The following FHIP1B variants were observed in gnomAD, a reference collection of about 807,000 sequenced individuals.
FHIP1B encodes the protein FHF complex subunit HOOK-interacting protein 1B.
A neutral mutation model predicts 82.2 loss-of-function variants in FHIP1B; 28 were observed. The ratio of observed to expected loss-of-function variants is 0.34; its 90% CI spans 0.25 to 0.47. The LOEUF is 0.47. Ranked by LOEUF, FHIP1B falls within the 20% of genes least tolerant of loss-of-function variation. The pLI is 1.00. For synonymous variants in FHIP1B, 585 were observed against 516.1 expected, an observed-to-expected ratio of 1.13 and a Z score of -1.81; for missense variants, 1,110 against 1,262.6, an observed-to-expected ratio of 0.88 and a Z score of 1.83.
rs1387730850 is a variant in FHIP1B at position 6,217,788 on chromosome 11, C to T, written c.1798G>A (p.Glu600Lys). 8.7e-6 allele frequency: 14 copies of T among 1,611,042 alleles called. No individual in the cohort carries two copies. Among genetic ancestry groups the T allele is most frequent in the East Asian group, 2.2e-5 (1 of 44,834 alleles). The change falls in exon 9 of 12, where the codon GAG becomes AAG. Residue 600 changes from glutamate to lysine, a missense_variant. Physicochemically the swap from Glu to Lys is moderately conservative, Grantham distance 56 (BLOSUM62 1). Transcript: ENST00000449352. ...TCCCCCACGTTGTTCCTGTCCTCCT[C>T]AGGCAGTAGGCTGCGTTTCTTAGTC... ...SRTKKRSLLP[E>K]EDRNNVGEGE...
Position 6,211,883 on chromosome 11 carries a change from G to C in FHIP1B, c.2558-16C>G. 1.3e-6 allele frequency: 2 copies of C among 1,535,274 alleles called. No homozygotes were observed. Among genetic ancestry groups the C allele is most frequent in the Non-Finnish European group, 1.7e-6 (2 of 1,146,672 alleles). Reference sequence around the variant, plus strand: ...CGGCTCTTCACTGGGAATAAACAGGGGTATCATGAAGGTGCTGGGATCAGG... The same window carrying C: ...CGGCTCTTCACTGGGAATAAACAGGCGTATCATGAAGGTGCTGGGATCAGG... On this transcript the variant is annotated splice_polypyrimidine_tract_variant and intron_variant, in intron 11 of 11. Transcript: ENST00000449352.
At chr11:6,219,473 T>C (rs571220039) in intron 6 of FHIP1B, among the ~76,000 whole-genome samples, 2 of 152,312 alleles carry the variant, frequency 1.3e-5, no homozygotes, top group South Asian at 2.1e-4. Flanking sequence ...AGTAACTGAA[T>C]GCCTACCAAT....
chr11:6,232,175 C>T (rs1847715876), intron 1 of FHIP1B, among the ~76,000 whole-genome samples: 1 of 152,190 alleles, frequency 6.6e-6, no homozygotes, highest in Non-Finnish European at 1.5e-5. Context: ...ATACTTAATG[C>T]ACTACTATTT....
intron 1 of FHIP1B, among the ~76,000 whole-genome samples, chr11:6,230,228 G>A (rs1260886462): frequency 6.6e-6 from 1 of 152,180 alleles, no homozygotes; most frequent in Non-Finnish European, 1.5e-5. Flanking sequence ...GCAAAGAGGA[G>A]GGAGCTGGGG....
At chr11:6,221,020 CAT>C (rs376568052) in intron 6 of FHIP1B, among the ~76,000 whole-genome samples, 50 of 152,324 alleles carry the variant, frequency 3.3e-4, no homozygotes, top group Non-Finnish European at 5.9e-4. Context: ...TAAAAATACA[CAT>C]GTCCTGAGCC....
intron 1 of FHIP1B, among the ~76,000 whole-genome samples, chr11:6,232,630 GTAT>G (rs1847726397): frequency 6.6e-6 from 1 of 152,068 alleles, no homozygotes; most frequent in African/African-American, 2.4e-5. Flanking sequence ...TGTCTACAAG[GTAT>G]CTATATAAAT....
chr11:6,220,622 C>T lies in FHIP1B; in HGVS notation c.1192-1572G>A, dbSNP rs193023160. On this transcript the variant is annotated intron_variant, in intron 6 of 11. Coordinates refer to ENST00000449352, the MANE Select transcript of FHIP1B (RefSeq NM_001098794.2). Reference sequence around the variant, plus strand: ...AAGGAAAGCATCTACATGTTTAACACGGGCATCCTGAAATTAGAAGAGATC... The same window carrying T: ...AAGGAAAGCATCTACATGTTTAACATGGGCATCCTGAAATTAGAAGAGATC... 1.7e-4 allele frequency among the ~76,000 whole-genome samples: 26 copies of T among 152,248 alleles called. No individual in the cohort carries two copies. In the South Asian group the frequency reaches 1.9e-3, roughly 11 times the overall value.
chr11:6,232,086 A>C (rs1005315463), intron 1 of FHIP1B, among the ~76,000 whole-genome samples: 3 of 152,216 alleles, frequency 2.0e-5, no homozygotes, highest in Non-Finnish European at 4.4e-5. Flanking sequence ...ACATGTTTCT[A>C]TCTCTACATC....
chr11:6,218,110 T>A lies in FHIP1B; in HGVS notation c.1476A>T (p.Thr492=). The part of the protein sequence containing the change: ...SPSVDSSSVT[T]VPRPSTPSRL... ...GAGATGGTGTGGAGGGCCGGGGTAC[T>A]GTCGTCACAGAAGAGGAGTCCACAC... Residue 492 remains threonine, a synonymous_variant, in exon 9 of 12, where the codon ACA becomes ACT. Transcript: ENST00000449352. The A allele has an allele frequency of 6.2e-7, 1 of 1,613,098 alleles. No homozygotes were observed. The highest frequency in any genetic ancestry group is 8.5e-7 in the Non-Finnish European group (1 of 1,179,416).
Position 6,218,138 on chromosome 11 carries a change from G to A in FHIP1B, c.1448C>T (p.Pro483Leu). Residue 483 changes from proline to leucine, a missense_variant, in exon 9 of 12, where the codon CCA becomes CTA. Around this residue, in one of 6 missense-constraint regions of FHIP1B, gnomAD observed 418 missense variants for 371.4 expected, o/e 1.13. Transcript: ENST00000449352. Reference sequence around the variant, plus strand: ...CGTCACAGAAGAGGAGTCCACACTTGGGCTTCCAGGACCTGCAAAGGGAAA... The same window carrying A: ...CGTCACAGAAGAGGAGTCCACACTTAGGCTTCCAGGACCTGCAAAGGGAAA... ...HASWARGPGS[P>L]SVDSSSVTTV... is the part of the protein sequence containing the mutation. 4 of 1,611,406 alleles carry A rather than the reference G, an allele frequency of 2.5e-6. No individual in the cohort carries two copies. The highest frequency in any genetic ancestry group is 3.4e-6 in the Non-Finnish European group (4 of 1,178,636).
In FHIP1B at chr11:6,211,942, C is replaced by A; in HGVS notation, c.2558-75G>T. ...CTTGGACTGAGAGGGGAGATTCCCC[C>A]ACCCCCTAGGTTCTTGGACTTCTCC... On this transcript the variant is annotated intron_variant, in intron 11 of 11. Transcript: ENST00000449352. 5 of 1,480,688 alleles carry A rather than the reference C, an allele frequency of 3.4e-6. No individual in the cohort carries two copies. In the South Asian group the frequency reaches 5.7e-5, roughly 17 times the overall value. The allele number at this position is 1,480,688 out of a possible 1,614,324, so 91.7% of individuals were successfully genotyped here.
At chr11:6,231,099 A>G (rs545553122) in intron 1 of FHIP1B, among the ~76,000 whole-genome samples, 2 of 152,234 alleles carry the variant, frequency 1.3e-5, no homozygotes, top group Admixed American at 6.5e-5. Flanking sequence ...AAGACAAAAA[A>G]TTGTTTTAAA....
At chr11:6,224,326 T>C in intron 2 of FHIP1B, 53 bp downstream of exon 2, 1 of 1,614,180 alleles carries the variant, frequency 6.2e-7, no homozygotes, top group Non-Finnish European at 8.5e-7. Flanking sequence ...TATAGAAGGC[T>C]GGGAGAACTC....
At chr11:6,212,183 T>G (rs947485923) in intron 11 of FHIP1B, among the ~76,000 whole-genome samples, 10 of 152,052 alleles carry the variant, frequency 6.6e-5, no homozygotes, top group African/African-American at 2.4e-4. Context: ...AATCAACACT[T>G]TAGCCACTTC....
chr11:6,233,010 T>A (rs1197083205), intron 1 of FHIP1B, among the ~76,000 whole-genome samples: 1 of 152,190 alleles, frequency 6.6e-6, no homozygotes, highest in African/African-American at 2.4e-5. Context: ...AGATGATAAT[T>A]TTATCATGTA....
intron 6 of FHIP1B, among the ~76,000 whole-genome samples, chr11:6,220,280 G>A (rs965854727): frequency 5.3e-5 from 8 of 152,076 alleles, no homozygotes; most frequent in African/African-American, 1.7e-4. Context: ...AGATCTCAAT[G>A]CCACAACTGC....
intron 9 of FHIP1B, 200 bp from the exon 10 acceptor site, chr11:6,215,111 A>G (rs1352709830): frequency 8.6e-6 from 4 of 463,636 alleles, no homozygotes; most frequent in Middle Eastern, 5.3e-4. Flanking sequence ...AAGATTCCAG[A>G]TGCCAGCTTT....
chr11:6,224,413 G>A lies in FHIP1B; in HGVS notation c.104C>T (p.Thr35Ile), dbSNP rs372919231. The A allele has an allele frequency of 6.2e-7, 1 of 1,614,082 alleles. No homozygotes were observed. The highest frequency in any genetic ancestry group is 1.3e-5 in the African/African-American group (1 of 74,916). The change falls in exon 2 of 12, where the codon ACC (threonine) becomes ATC (isoleucine). Residue 35 changes from threonine to isoleucine, a missense_variant. Physicochemically the swap from Thr to Ile is moderately conservative, Grantham distance 89 (BLOSUM62 -1). Coordinates refer to ENST00000449352, the MANE Select transcript of FHIP1B (RefSeq NM_001098794.2). ...LQTPVMADPE[T>I]CLMVFKNHWS... ...GTGATTCTTGAAGACCATGAGGCAG[G>A]TCTCGGGATCAGCCATGACTGGGGT...
chr11:6,214,648 T>A (rs935626326), intron 10 of FHIP1B, 75 bp from the exon 11 acceptor site: 13 of 1,551,642 alleles, frequency 8.4e-6, no homozygotes, highest in Non-Finnish European at 9.6e-6. Flanking sequence ...ACTGGGCCTG[T>A]TCCCAGCCCA....
Sources: allele counts gnomAD v4.1 joint callset (sites outside exome capture counted in the v4.1 genomes callset), GRCh38; gene constraint gnomAD v4.1.1; regional missense constraint gnomAD v4.1.1; transcripts MANE v1.5; gene names NCBI Gene and HGNC (gene_info 2026-07-23, HGNC 2026-07-21).